Variants in GLIS1 observed in about 807,000 individuals in gnomAD.
The protein encoded by GLIS1 is zinc finger protein GLIS1.
GLIS1 carries 24 observed loss-of-function variants against 63.8 expected under a neutral mutation model. The observed-to-expected ratio is 0.38, with a 90% CI of 0.27 to 0.53. GLIS1 has a LOEUF of 0.53. Among genes scored for constraint, GLIS1 ranks in the 20% least tolerant of loss-of-function variants. The pLI is 0.85. For missense variants in GLIS1, 1,036 were observed against 1,074.1 expected, an observed-to-expected ratio of 0.96 and a Z score of 0.50; for synonymous variants, 450 against 482.5, an observed-to-expected ratio of 0.93 and a Z score of 0.88.
At chr1:53,670,315 A>C (rs1249117811) in intron 2 of GLIS1, among the ~76,000 whole-genome samples, 2 of 152,036 alleles carry the variant, frequency 1.3e-5, no homozygotes, top group Non-Finnish European at 2.9e-5. Context: ...TGGACTATAA[A>C]TCTCCAAAAA....
At chr1:53,730,837 T>C (rs1335152852) in intron 2 of GLIS1, among the ~76,000 whole-genome samples, 1 of 151,988 alleles carries the variant, frequency 6.6e-6, no homozygotes, top group Non-Finnish European at 1.5e-5. Flanking sequence ...ATCTAGCTCA[T>C]TCATCATTTG....
chr1:53,640,385 AG>A (rs1363604054), intron 2 of GLIS1, among the ~76,000 whole-genome samples: 1 of 152,220 alleles, frequency 6.6e-6, no homozygotes, highest in Non-Finnish European at 1.5e-5. Context: ...GCTGGGAGCC[AG>A]GTTTAAAAGC....
chr1:53,543,467 G>C (rs988915700), intron 4 of GLIS1, among the ~76,000 whole-genome samples: 4 of 152,192 alleles, frequency 2.6e-5, no homozygotes, highest in African/African-American at 9.7e-5. Context: ...AGCAGCAGTG[G>C]GAATGGAGCC....
chr1:53,726,637 C>T (rs552619575), intron 2 of GLIS1, among the ~76,000 whole-genome samples: 40 of 152,174 alleles, frequency 2.6e-4, no homozygotes, highest in Admixed American at 1.6e-3. Flanking sequence ...ACAGGCTGAA[C>T]AAGCATCTTG....
intron 5 of GLIS1, among the ~76,000 whole-genome samples, chr1:53,529,587 C>T (rs1313141311): frequency 6.6e-6 from 1 of 152,146 alleles, no homozygotes; most frequent in Non-Finnish European, 1.5e-5. Flanking sequence ...GGGAACATTG[C>T]CTCCTATCTA....
chr1:53,659,610 C>T (rs1364399116), intron 2 of GLIS1, among the ~76,000 whole-genome samples: 1 of 152,128 alleles, frequency 6.6e-6, no homozygotes, highest in Admixed American at 6.5e-5. Flanking sequence ...AGACCCAGAG[C>T]CAATAATGTT....
chr1:53,631,113 A>G (rs957983668), intron 2 of GLIS1, among the ~76,000 whole-genome samples: 2 of 152,162 alleles, frequency 1.3e-5, no homozygotes, highest in African/African-American at 4.8e-5. Context: ...TTTTCCCCAT[A>G]AAAATGTTTT....
intron 2 of GLIS1, among the ~76,000 whole-genome samples, chr1:53,645,767 G>A (rs1305388131): frequency 6.6e-6 from 1 of 152,256 alleles, no homozygotes; most frequent in African/African-American, 2.4e-5. Context: ...GAGAAGCTAA[G>A]TAACTTTCCC....
intron 2 of GLIS1, among the ~76,000 whole-genome samples, chr1:53,724,155 C>T (rs1646783558): frequency 6.6e-6 from 1 of 152,246 alleles, no homozygotes; most frequent in Admixed American, 6.5e-5. Flanking sequence ...CTCAACACTT[C>T]TATGGCCATC....
Position 53,639,691 on chromosome 1 carries a change from G to C in GLIS1, c.260-39413C>G, listed in dbSNP as rs941123. Among the ~76,000 whole-genome samples, 32,806 of 151,866 alleles carry C rather than the reference G, an allele frequency of 0.22. 3,748 individuals are homozygous for C. Among genetic ancestry groups the C allele is most frequent in the East Asian group, 0.39 (2,012 of 5,154 alleles). Reference sequence around the variant, plus strand: ...CTATCCTGGGCCGACAGCATACTCAGGTTTACTCAGTGAATATTTATAAAC... The same window carrying C: ...CTATCCTGGGCCGACAGCATACTCACGTTTACTCAGTGAATATTTATAAAC... On this transcript the variant is annotated intron_variant, in intron 2 of 10. Transcript: ENST00000628545. The surrounding 1 kb of genome is among the most constrained non-coding windows in gnomAD (Gnocchi z 4.6).
intron 2 of GLIS1, among the ~76,000 whole-genome samples, chr1:53,731,536 T>C (rs1646861209): frequency 6.6e-6 from 1 of 152,188 alleles, no homozygotes; most frequent in Non-Finnish European, 1.5e-5. Flanking sequence ...CAGAGGAAAG[T>C]ACTGGCTCTG....
At chr1:53,543,391 C>T (rs1396585847) in intron 4 of GLIS1, among the ~76,000 whole-genome samples, 1 of 152,158 alleles carries the variant, frequency 6.6e-6, no homozygotes, top group African/African-American at 2.4e-5. Flanking sequence ...CCACCGTAAT[C>T]GCCTTTCCTA....
chr1:53,578,179 G>A (rs1479798439), intron 4 of GLIS1, among the ~76,000 whole-genome samples: 2 of 152,208 alleles, frequency 1.3e-5, no homozygotes, highest in Non-Finnish European at 2.9e-5. Flanking sequence ...TGCAAAGACA[G>A]GCTGCTTGCT....
chr1:53,545,779 AC>A (rs1337369723), intron 4 of GLIS1, among the ~76,000 whole-genome samples: 2 of 152,186 alleles, frequency 1.3e-5, no homozygotes, highest in African/African-American at 4.8e-5. Flanking sequence ...ACTTTCATGG[AC>A]AGATTTAGTC....
intron 2 of GLIS1, among the ~76,000 whole-genome samples, chr1:53,627,540 G>A (rs1398664187): frequency 6.6e-6 from 1 of 152,202 alleles, no homozygotes; most frequent in Admixed American, 6.5e-5. Flanking sequence ...AGGTAGAGGG[G>A]GCTGCCAGAA....
rs1245029549 is a variant in GLIS1 at position 53,526,552 on chromosome 1, C to A, written c.1483-1665G>T. On this transcript the variant is annotated intron_variant, in intron 5 of 10. Transcript: ENST00000628545. This position sits in a 1 kb window ranked among gnomAD's most constrained non-coding sequence, Gnocchi z 4.4. ...ACACACACACACACACACACACACA[C>A]AAAACCACCACCACCACACACACAC... Among the ~76,000 whole-genome samples, 2 of 150,548 alleles carry A rather than the reference C, an allele frequency of 1.3e-5. No homozygotes were observed. The highest frequency in any genetic ancestry group is 3.0e-5 in the Non-Finnish European group (2 of 67,612).
chr1:53,556,752 A>C (rs999145239), intron 4 of GLIS1, among the ~76,000 whole-genome samples: 2 of 138,190 alleles, frequency 1.4e-5, no homozygotes, highest in African/African-American at 5.6e-5. Flanking sequence ...GTGTGTGCGC[A>C]GATACTTGTT....
At chr1:53,645,940 A>G (rs778870350) in intron 2 of GLIS1, among the ~76,000 whole-genome samples, 1 of 152,244 alleles carries the variant, frequency 6.6e-6, no homozygotes, top group Non-Finnish European at 1.5e-5. Flanking sequence ...CTGACCCTGC[A>G]CTAGGTCCTG....
chr1:53,637,915 T>C (rs1298212163), intron 2 of GLIS1, among the ~76,000 whole-genome samples: 2 of 152,092 alleles, frequency 1.3e-5, no homozygotes, highest in African/African-American at 4.8e-5. Flanking sequence ...GACAGGGGCA[T>C]GGAGGAAGCT....
Sources: gnomAD v4.1 joint callset for allele counts (sites outside exome capture counted in the v4.1 genomes callset) on GRCh38, gnomAD v4.1.1 for gene constraint, Gnocchi (gnomAD v3.1) non-coding constraint, MANE v1.5 for transcripts, NCBI Gene and HGNC (gene_info 2026-07-23, HGNC 2026-07-21) for gene names.